CASP2: variants seen among roughly 807,000 people sequenced by gnomAD.
CASP2 encodes the protein caspase-2.
CASP2 carries 38 observed loss-of-function variants against 54.4 expected under a neutral mutation model. The ratio of observed to expected loss-of-function variants is 0.70; its 90% confidence interval spans 0.54 to 0.92. The LOEUF (loss-of-function observed/expected upper bound fraction) is 0.92. CASP2 is among the 40% of genes least tolerant of loss of function. The probability of loss-of-function intolerance (pLI) is 0.00; values close to 1 mark genes in which losing one functional copy is unlikely to be tolerated. For synonymous variants in CASP2, 215 were observed against 216.3 expected (o/e 0.99, Z 0.05); for missense variants, 512 against 579.6 (o/e 0.88, Z 1.20).
intron 8 of CASP2, 183 bp from the exon 9 acceptor site, chr7:143,303,592 AGTAACAGAT>A: frequency 3.8e-6 from 2 of 530,316 alleles, no homozygotes; most frequent in Non-Finnish European, 6.8e-6. Context: ...GCATCCCCTG[AGTAACAGAT>A]GCATGCTGAG....
chr7:143,291,467 C>A, intron 1 of CASP2, 73 bp from the exon 2 acceptor site: 1 of 1,415,152 alleles, frequency 7.1e-7, no homozygotes, highest in South Asian at 1.2e-5. Context: ...TCTTCCTATT[C>A]ATGCCTCTTC....
chr7:143,293,666 T>C (rs1486774927), intron 4 of CASP2, among the ~76,000 whole-genome samples: 1 of 152,032 alleles, frequency 6.6e-6, no homozygotes, highest in East Asian at 1.9e-4. Context: ...CGTGCCACCA[T>C]ACCCAGCTAA....
In CASP2 at chr7:143,292,338, C is replaced by T; in HGVS notation, c.264C>T (p.Leu88=). ...VGSFSQNVEL[L]NLLPKRGPQA... ...GTTTCAGCCAGAATGTGGAACTCCT[C>T]AACTTGCTGCCTAAGAGGGGTCCCC... Residue 88 remains leucine, a synonymous_variant, in exon 3 of 11, where the codon CTC becomes CTT. Transcript: ENST00000310447. 1.2e-6 allele frequency: 2 copies of T among 1,614,194 alleles called. No individual in the cohort carries two copies. The highest frequency in any genetic ancestry group is 2.2e-5 in the East Asian group (1 of 44,882).
intron 1 of CASP2, among the ~76,000 whole-genome samples, chr7:143,290,187 A>G (rs2116759786): frequency 6.6e-6 from 1 of 150,742 alleles, no homozygotes; most frequent in African/African-American, 2.5e-5. Context: ...CAGCCTCCCG[A>G]GTAGCTAGGA....
At chr7:143,296,377 A>G (rs147913586) in intron 6 of CASP2, among the ~76,000 whole-genome samples, 1 of 152,326 alleles carries the variant, frequency 6.6e-6, no homozygotes, top group Non-Finnish European at 1.5e-5. Flanking sequence ...GCATAAAAGG[A>G]AGTGTGTCCT....
chr7:143,293,511 TG>T (rs1379541863), intron 4 of CASP2, among the ~76,000 whole-genome samples: 1,639 of 151,310 alleles, frequency 0.011, 29 homozygotes, highest in African/African-American at 0.036. Flanking sequence ...TGTGGTTTTT[TG>T]TTTTTTTTTT....
Position 143,288,470 on chromosome 7 carries a change from C to G in CASP2, c.15C>G (p.Ser5Arg), listed in dbSNP as rs1801447461. Residue 5 changes from serine (S) to arginine (R), a missense_variant, in exon 1 of 11, where the codon AGC becomes AGG. Around this residue, in one of 3 missense-constraint regions of CASP2, gnomAD observed 89 missense variants for 67.1 expected, o/e 1.33. Coordinates refer to ENST00000310447, the MANE Select transcript of CASP2 (RefSeq NM_032982.4). The stretch of plus-strand genomic sequence containing the variant: ...AAAAGCGGGAAATGGCGGCGCCGAG[C>G]GCGGGGTCTTGGTCCACCTTCCAGC... MAAPSAGSWSTFQHK... is the reference protein window; with the variant it reads MAAPRAGSWSTFQHK... The G allele has an allele frequency of 3.7e-6, 6 of 1,613,122 alleles. No homozygotes were observed. The highest frequency in any genetic ancestry group is 1.3e-5 in the African/African-American group (1 of 75,026).
At chr7:143,299,867 G>A in intron 6 of CASP2, 56 bp from the exon 7 acceptor site, 45 of 1,609,224 alleles carry the variant, frequency 2.8e-5, no homozygotes, top group Non-Finnish European at 3.7e-5. Flanking sequence ...ACCAAACTTT[G>A]ATGCTTATGT....
intron 6 of CASP2, among the ~76,000 whole-genome samples, chr7:143,296,985 A>G (rs980927490): frequency 7.9e-5 from 12 of 151,992 alleles, no homozygotes; most frequent in African/African-American, 9.7e-5. Context: ...TAGGAAACGT[A>G]CTCTTCAAAG....
chr7:143,305,988 C>T lies in CASP2; in HGVS notation c.*917C>T, dbSNP rs1216032121. Reference sequence around the variant, plus strand: ...TAGAAAAGCTTCCTAGCTTATCTCCCTGCTTCATATCTCTCCCTTCTTTAC... The same window carrying T: ...TAGAAAAGCTTCCTAGCTTATCTCCTTGCTTCATATCTCTCCCTTCTTTAC... On this transcript the variant is annotated 3_prime_UTR_variant, in exon 11 of 11. Coordinates refer to ENST00000310447, the MANE Select transcript of CASP2 (RefSeq NM_032982.4). 2 of 152,164 alleles carry T rather than the reference C, an allele frequency of 1.3e-5. No homozygotes were observed. The highest frequency in any genetic ancestry group is 3.9e-4 in the East Asian group (2 of 5,188). The allele number at this position is 152,164 out of a possible 1,614,324, so 9.4% of individuals were successfully genotyped here. A position where few individuals can be genotyped will look rare whatever the true frequency, so the allele number is the denominator to read the frequency against.
intron 8 of CASP2, 137 bp downstream of exon 8, chr7:143,300,431 C>T: frequency 6.3e-7 from 1 of 1,597,610 alleles, no homozygotes. Flanking sequence ...GCCACCGCCT[C>T]TCTTGCTCTG....
chr7:143,291,278 C>T (rs139258014), intron 1 of CASP2, among the ~76,000 whole-genome samples: 1 of 152,180 alleles, frequency 6.6e-6, no homozygotes, highest in African/African-American at 2.4e-5. Flanking sequence ...TTGCTTAAGA[C>T]AGATATTTCC....
intron 9 of CASP2, among the ~76,000 whole-genome samples, chr7:143,304,357 A>G (rs1016476229): frequency 1.3e-5 from 2 of 152,226 alleles, no homozygotes; most frequent in East Asian, 1.9e-4. Context: ...ATTACAGCAT[A>G]TGCATGTTTT....
chr7:143,305,963 T>C lies in CASP2; in HGVS notation c.*892T>C, dbSNP rs1264967439. The C allele has an allele frequency of 6.6e-6, 1 of 152,202 alleles. No individual in the cohort carries two copies. Among genetic ancestry groups the C allele is most frequent in the African/African-American group, 2.4e-5 (1 of 41,432 alleles). The allele number at this position is 152,202 out of a possible 1,614,324, so 9.4% of individuals were successfully genotyped here. A position where few individuals can be genotyped will look rare whatever the true frequency, so the allele number is the denominator to read the frequency against. On this transcript the variant is annotated 3_prime_UTR_variant, in exon 11 of 11. Transcript: ENST00000310447. ...AACCTGCACTTCATATCTAGATTTC[T>C]AGAAAAGCTTCCTAGCTTATCTCCC...
In CASP2 at chr7:143,288,529, G is replaced by A; in HGVS notation, c.74G>A (p.Arg25Lys). The A allele has an allele frequency of 6.2e-7, 1 of 1,613,020 alleles. No individual in the cohort carries two copies. The part of the protein sequence containing the change: ...KELMAADRGR[R>K]ILGVCGMHPH... Reference sequence around the variant, plus strand: ...CTGATGGCCGCTGACAGGGGACGCAGGTAAGTAGGGAACGGTCTTAGGGCT... The same window carrying A: ...CTGATGGCCGCTGACAGGGGACGCAAGTAAGTAGGGAACGGTCTTAGGGCT... The change falls in exon 1 of 11, where the codon AGG becomes AAG. Residue 25 changes from arginine (R) to lysine (K), a missense_variant and splice_region_variant. Transcript: ENST00000310447.
intron 6 of CASP2, among the ~76,000 whole-genome samples, chr7:143,297,923 A>G (rs1801804532): frequency 6.6e-6 from 1 of 152,204 alleles, no homozygotes; most frequent in South Asian, 2.1e-4. Flanking sequence ...GTTTGCTTCT[A>G]CTTAGAAAAT....
At chr7:143,294,418 T>C (rs760449905) in intron 5 of CASP2, 94 bp downstream of exon 5, 2 of 1,067,048 alleles carry the variant, frequency 1.9e-6, no homozygotes, top group Non-Finnish European at 2.9e-6. Context: ...ATTTCCTTTC[T>C]GCCTTATTAG....
rs898647482 is a variant in CASP2, at chr7:143,306,161, A to G, written c.*1090A>G. 2.1e-5 allele frequency: 3 copies of G among 143,178 alleles called. No individual in the cohort carries two copies. Among genetic ancestry groups the G allele is most frequent in the Admixed American group, 7.0e-5 (1 of 14,356 alleles). 8.9% of individuals were successfully genotyped at this position (143,178 alleles called of 1,614,324 possible). On this transcript the variant is annotated 3_prime_UTR_variant, in exon 11 of 11. Transcript: ENST00000310447. ...TCTCCTTTGATATTATGTGGCTTTT[A>G]TTTCAGTGCCATACATGTTATTGTT...
chr7:143,293,105 CTTTTT>C lies in CASP2; in HGVS notation c.475+411_475+415del, dbSNP rs774893437. On this transcript the variant is annotated intron_variant, in intron 4 of 10. Transcript: ENST00000310447. ...ATCTGGCTTTGTCCTAACATGAGCC[CTTTTT>C]TTTGTTTTTTTTTTTTTTTGTTGTG... 335 of 610,868 alleles carry C rather than the reference CTTTTT, an allele frequency of 5.5e-4. 3 individuals carry two copies. The Admixed American group carries it at 8.2e-3, about 15-fold the overall frequency. The allele number at this position is 610,868 out of a possible 1,614,324, so 37.8% of individuals were successfully genotyped here. A position where few individuals can be genotyped will look rare whatever the true frequency, so the allele number is the denominator to read the frequency against.
Sources: allele counts gnomAD v4.1 joint callset (sites outside exome capture counted in the v4.1 genomes callset), GRCh38; gene constraint gnomAD v4.1.1; regional missense constraint gnomAD v4.1.1; transcripts MANE v1.5; gene names NCBI Gene and HGNC (gene_info 2026-07-23, HGNC 2026-07-21).